Variants in SIVA1 observed in about 807,000 individuals in gnomAD.
SIVA1 encodes apoptosis regulatory protein Siva.
SIVA1 carries 10 observed loss-of-function variants against 19.7 expected under a neutral mutation model. That is an observed-to-expected ratio of 0.51 (90% CI 0.31 to 0.86). The LOEUF is 0.86. Among genes scored for constraint, SIVA1 ranks in the 40% least tolerant of loss-of-function variants. The pLI, the probability that SIVA1 is intolerant of heterozygous loss-of-function variation, is 0.04. For missense variants in SIVA1, 241 were observed against 245.2 expected (o/e 0.98, Z 0.11); for synonymous variants, 130 against 106.1 (o/e 1.23, Z -1.39).
chr14:104,753,165 G>A lies in SIVA1; in HGVS notation c.-37G>A. ...TCACGGCGTCGTTGGTAAGGGGCTGGCGGCCGGGGAGCTGCGTAGCTCCCG... is the reference window on the plus strand; with the variant it reads ...TCACGGCGTCGTTGGTAAGGGGCTGACGGCCGGGGAGCTGCGTAGCTCCCG... On this transcript the variant is annotated 5_prime_UTR_variant, in exon 1 of 4. Transcript: ENST00000329967. 1 of 1,386,972 alleles carries A rather than the reference G, an allele frequency of 7.2e-7. No homozygotes were observed. The highest frequency in any genetic ancestry group is 9.9e-7 in the Non-Finnish European group (1 of 1,006,110). 85.9% of individuals were successfully genotyped at this position (1,386,972 alleles called of 1,614,324 possible).
intron 3 of SIVA1, chr14:104,757,478 C>T (rs111759083): frequency 2.9e-5 from 7 of 240,608 alleles, no homozygotes; most frequent in East Asian, 1.5e-4. Flanking sequence ...TTTCTTCAGT[C>T]GGGGCAGAGG....
chr14:104,756,957 A>G, intron 3 of SIVA1, 197 bp downstream of exon 3: 1 of 625,088 alleles, frequency 1.6e-6, no homozygotes. Context: ...TCTCTAAGGG[A>G]AAGCTGAACC....
intron 2 of SIVA1, 66 bp downstream of exon 2, chr14:104,755,890 C>T: frequency 6.8e-7 from 1 of 1,473,486 alleles, no homozygotes; most frequent in Non-Finnish European, 9.3e-7. Flanking sequence ...GAGCATTTTT[C>T]TTGATTTGCA....
At chr14:104,756,877 G>A (rs1174227920) in intron 3 of SIVA1, 117 bp downstream of exon 3, 2 of 1,187,482 alleles carry the variant, frequency 1.7e-6, no homozygotes, top group East Asian at 2.6e-5. Context: ...CTGATGCAGT[G>A]CCATCTGGCA....
chr14:104,753,187 C>A lies in SIVA1; in HGVS notation c.-15C>A. 1 of 1,538,546 alleles carries A rather than the reference C, an allele frequency of 6.5e-7. No homozygotes were observed. Among genetic ancestry groups the A allele is most frequent in the Non-Finnish European group, 8.8e-7 (1 of 1,137,358 alleles). On this transcript the variant is annotated 5_prime_UTR_variant, in exon 1 of 4. Coordinates refer to ENST00000329967, the MANE Select transcript of SIVA1 (RefSeq NM_006427.4). ...CTGGCGGCCGGGGAGCTGCGTAGCT[C>A]CCGGCCCCGCGGCCATGCCCAAGCG...
At chr14:104,755,535 G>A (rs1041348964) in intron 1 of SIVA1, 95 bp from the exon 2 acceptor site, 22 of 1,136,168 alleles carry the variant, frequency 1.9e-5, no homozygotes, top group Admixed American at 1.0e-4. Flanking sequence ...ACAGGAGGAC[G>A]ATGGGGTTCA....
chr14:104,755,571 C>T, intron 1 of SIVA1, 59 bp from the exon 2 acceptor site: 1 of 1,447,744 alleles, frequency 6.9e-7, no homozygotes, highest in Non-Finnish European at 9.6e-7. Context: ...ACTCAATGGC[C>T]ATGCAGGGGC....
chr14:104,759,251 G>A lies in SIVA1; in HGVS notation c.471-177G>A. On this transcript the variant is annotated intron_variant, in intron 3 of 3. Coordinates refer to ENST00000329967, the MANE Select transcript of SIVA1 (RefSeq NM_006427.4). The surrounding 1 kb of genome is among the most constrained non-coding windows in gnomAD (Gnocchi z 4.2). ...AGGACGCTGGTCGTGTTGCCTTAGGGCCCCCATGTCAGTGCCGTCATCTAG... is the reference window on the plus strand; with the variant it reads ...AGGACGCTGGTCGTGTTGCCTTAGGACCCCCATGTCAGTGCCGTCATCTAG... The A allele has an allele frequency of 2.0e-6, 1 of 512,380 alleles. No homozygotes were observed. The highest frequency in any genetic ancestry group is 3.5e-6 in the Non-Finnish European group (1 of 288,062). The allele number at this position is 512,380 out of a possible 1,614,324, so 31.7% of individuals were successfully genotyped here.
chr14:104,755,607 G>A (rs1410643590), intron 1 of SIVA1, 23 bp from the exon 2 acceptor site: 2 of 1,603,542 alleles, frequency 1.2e-6, no homozygotes, highest in Admixed American at 3.5e-5. Flanking sequence ...TGAAGGACGT[G>A]AGAATGATTT....
Position 104,755,667 on chromosome 14 carries a change from C to G in SIVA1, c.156C>G (p.Ala52=). 1 of 1,613,834 alleles carries G rather than the reference C, an allele frequency of 6.2e-7. No homozygotes were observed. Among genetic ancestry groups the G allele is most frequent in the Non-Finnish European group, 8.5e-7 (1 of 1,179,972 alleles). ...TKRLLFLGAQ[A]YLDHVWDEGC... is the part of the protein sequence containing the mutation. ...GACTCCTGTTCCTCGGGGCCCAGGC[C>G]TACCTGGACCACGTGTGGGATGAAG... The change falls in exon 2 of 4, where the codon GCC becomes GCG. Residue 52 remains alanine, a synonymous_variant. Coordinates refer to ENST00000329967, the MANE Select transcript of SIVA1 (RefSeq NM_006427.4).
intron 1 of SIVA1, chr14:104,753,671 A>G: frequency 2.3e-6 from 1 of 432,580 alleles, no homozygotes. Flanking sequence ...ATGTCCTGGG[A>G]GAGGTTGGGG....
rs1373083144 is a variant in SIVA1, at chr14:104,759,349, C to T, written c.471-79C>T. 8 of 1,231,148 alleles carry T rather than the reference C, an allele frequency of 6.5e-6. No individual in the cohort carries two copies. The highest frequency in any genetic ancestry group is 9.4e-6 in the Non-Finnish European group (8 of 854,686). 76.3% of individuals were successfully genotyped at this position (1,231,148 alleles called of 1,614,324 possible). On this transcript the variant is annotated intron_variant, in intron 3 of 3. Coordinates refer to ENST00000329967, the MANE Select transcript of SIVA1 (RefSeq NM_006427.4). This position sits in a 1 kb window ranked among gnomAD's most constrained non-coding sequence, Gnocchi z 4.2. ...GAGGTGTTCTGGGTTAGGACTTTGA[C>T]GTTTGAATGGTGGGGGGTGGTGGAC...
chr14:104,753,865 C>T (rs1326802212), intron 1 of SIVA1: 3 of 434,396 alleles, frequency 6.9e-6, no homozygotes, highest in Non-Finnish European at 1.4e-5. Flanking sequence ...GAGGAGTCGC[C>T]ACAGGTGGTC....
In SIVA1 at chr14:104,759,290, G is replaced by T. The variant is rs568268884; in HGVS notation, c.471-138G>T. 3.0e-6 allele frequency: 2 copies of T among 659,074 alleles called. No individual in the cohort carries two copies. Among genetic ancestry groups the T allele is most frequent in the South Asian group, 4.0e-5 (2 of 50,170 alleles). 40.8% of individuals were successfully genotyped at this position (659,074 alleles called of 1,614,324 possible). On this transcript the variant is annotated intron_variant, in intron 3 of 3. Coordinates refer to ENST00000329967, the MANE Select transcript of SIVA1 (RefSeq NM_006427.4). This position sits in a 1 kb window ranked among gnomAD's most constrained non-coding sequence, Gnocchi z 4.2. ...GCCGTCATCTAGACTGATGATGCCC[G>T]CAGTGATCCTGTCTCCAGATAAGGT...
chr14:104,753,205 C>A lies in SIVA1; in HGVS notation c.4C>A (p.Pro2Thr). Residue 2 changes from proline to threonine, a missense_variant, in exon 1 of 4, where the codon CCC (proline) becomes ACC (threonine). Pro to Thr is a conservative substitution (Grantham distance 38). Coordinates refer to ENST00000329967, the MANE Select transcript of SIVA1 (RefSeq NM_006427.4). M[P>T]KRSCPFADVA... is the part of the protein sequence containing the mutation. ...CGTAGCTCCCGGCCCCGCGGCCATG[C>A]CCAAGCGGAGCTGCCCCTTCGCGGA... 3 of 1,570,450 alleles carry A rather than the reference C, an allele frequency of 1.9e-6. No individual in the cohort carries two copies. The highest frequency in any genetic ancestry group is 3.7e-5 in the Admixed American group (2 of 54,316).
Position 104,759,591 on chromosome 14 carries a change from G to A in SIVA1, c.*106G>A, listed in dbSNP as rs866898731. The A allele has an allele frequency of 1.6e-4, 137 of 833,858 alleles. No individual in the cohort carries two copies. In the Middle Eastern group the frequency reaches 5.8e-3, roughly 36 times the overall value. 51.7% of individuals were successfully genotyped at this position (833,858 alleles called of 1,614,324 possible). ...CTGAACTGTGGGGTCGACGGGAGGG[G>A]TGCCTTTTACATGTTCTATTTTGTA... is the stretch of plus-strand genomic sequence containing the variant. On this transcript the variant is annotated 3_prime_UTR_variant, in exon 4 of 4. Coordinates refer to ENST00000329967, the MANE Select transcript of SIVA1 (RefSeq NM_006427.4). This position sits in a 1 kb window ranked among gnomAD's most constrained non-coding sequence, Gnocchi z 4.2.
At chr14:104,758,923 A>C (rs956562909) in intron 3 of SIVA1, 1 of 152,746 alleles carries the variant, frequency 6.5e-6, no homozygotes, top group Non-Finnish European at 1.5e-5. Context: ...CCTACTGGAA[A>C]CCCAGGTTGG....
chr14:104,757,142 G>T, intron 3 of SIVA1: 2 of 335,924 alleles, frequency 6.0e-6, no homozygotes, highest in South Asian at 4.8e-5. Flanking sequence ...ACAGTCATGC[G>T]TGCCGTTTGG....
chr14:104,755,297 C>G (rs1056921651), intron 1 of SIVA1, among the ~76,000 whole-genome samples: 1 of 152,162 alleles, frequency 6.6e-6, no homozygotes, highest in Non-Finnish European at 1.5e-5. Context: ...AGGGGACAAG[C>G]TTAGTGAGGC....
Sources: gnomAD v4.1 joint callset for allele counts (sites outside exome capture counted in the v4.1 genomes callset) on GRCh38, gnomAD v4.1.1 for gene constraint, Gnocchi (gnomAD v3.1) non-coding constraint, MANE v1.5 for transcripts, NCBI Gene and HGNC (gene_info 2026-07-23, HGNC 2026-07-21) for gene names.